Variants in NOL4 observed in about 807,000 individuals in gnomAD.
The protein encoded by NOL4 is cancer/testis antigen 125.
A neutral mutation model predicts 75.9 loss-of-function variants in NOL4; 17 were observed. The ratio of observed to expected loss-of-function variants is 0.22; its 90% CI spans 0.15 to 0.34. The LOEUF is 0.34. Ranked by LOEUF, NOL4 falls within the 10% of genes least tolerant of loss-of-function variation. The pLI is 1.00. For synonymous variants in NOL4, 292 were observed against 289.9 expected, an observed-to-expected ratio of 1.01 and a Z score of -0.07; for missense variants, 614 against 793.5, an observed-to-expected ratio of 0.77 and a Z score of 2.72.
intron 1 of NOL4, among the ~76,000 whole-genome samples, chr18:34,132,121 G>A (rs2080680166): frequency 6.6e-6 from 1 of 152,160 alleles, no homozygotes; most frequent in African/African-American, 2.4e-5. Flanking sequence ...ACAGCTTGAG[G>A]CTGCATTATA....
intron 6 of NOL4, among the ~76,000 whole-genome samples, chr18:34,013,834 A>T (rs1239825298): frequency 6.6e-6 from 1 of 151,890 alleles, no homozygotes; most frequent in Non-Finnish European, 1.5e-5. Context: ...TCCGTCTAGC[A>T]CTCAGGAGAG....
rs1285729087 is a variant in NOL4 at position 34,222,354 on chromosome 18, G to A, written c.264+636C>T. 2.4e-6 allele frequency: 3 copies of A among 1,251,418 alleles called. No homozygotes were observed. The African/African-American group carries it at 4.7e-5, about 20-fold the overall frequency. The allele number at this position is 1,251,418 out of a possible 1,614,324, so 77.5% of individuals were successfully genotyped here. Reference sequence around the variant, plus strand: ...AGTGAGGAAGGGAATGGGGGGGCGGGGAGGAGGAATCTCCAGGACCTTATC... The same window carrying A: ...AGTGAGGAAGGGAATGGGGGGGCGGAGAGGAGGAATCTCCAGGACCTTATC... On this transcript the variant is annotated intron_variant, in intron 1 of 10. Transcript: ENST00000261592.
intron 4 of NOL4, among the ~76,000 whole-genome samples, chr18:34,102,637 A>G (rs2079091529): frequency 6.6e-6 from 1 of 152,060 alleles, no homozygotes; most frequent in African/African-American, 2.4e-5. Context: ...AGGGATCAGC[A>G]TATGTGGGCG....
chr18:34,013,098 C>T (rs2074468264), intron 6 of NOL4, among the ~76,000 whole-genome samples: 1 of 151,932 alleles, frequency 6.6e-6, no homozygotes, highest in Non-Finnish European at 1.5e-5. Context: ...GCTCTTCTTA[C>T]ATTGGGTTGC....
At chr18:34,137,810 G>T (rs370639684) in intron 1 of NOL4, among the ~76,000 whole-genome samples, 1 of 72,218 alleles carries the variant, frequency 1.4e-5, no homozygotes, top group African/African-American at 4.8e-5. Context: ...ACACACACAC[G>T]CACGCACACA....
chr18:34,099,164 A>T (rs1334559910), intron 4 of NOL4, among the ~76,000 whole-genome samples: 2 of 151,542 alleles, frequency 1.3e-5, no homozygotes, highest in African/African-American at 4.9e-5. Flanking sequence ...GGAGTTTGAG[A>T]CCAGCCTGGC....
chr18:34,135,218 A>G (rs1193975299), intron 1 of NOL4, among the ~76,000 whole-genome samples: 1 of 152,164 alleles, frequency 6.6e-6, no homozygotes, highest in Non-Finnish European at 1.5e-5. Flanking sequence ...AATTAGGAAT[A>G]AAAGAAGGAT....
At chr18:34,091,285 C>T (rs1258372394) in intron 5 of NOL4, among the ~76,000 whole-genome samples, 1 of 151,996 alleles carries the variant, frequency 6.6e-6, no homozygotes, top group East Asian at 1.9e-4. Context: ...ATTGCTTGAA[C>T]CCGGGAGGCA....
intron 10 of NOL4, among the ~76,000 whole-genome samples, chr18:33,880,305 C>CTG (rs61306180): frequency 0.059 from 8,571 of 144,378 alleles, 522 homozygotes; most frequent in African/African-American, 0.16. Context: ...CAAAAGGGGT[C>CTG]TGTGTGTGTG....
intron 4 of NOL4, among the ~76,000 whole-genome samples, chr18:34,099,706 T>C (rs533221000): frequency 6.6e-6 from 1 of 152,206 alleles, no homozygotes; most frequent in South Asian, 2.1e-4. Context: ...TGCATTGACC[T>C]CCCCTGCTCT....
At chr18:33,906,380 A>T (rs988595768) in intron 9 of NOL4, among the ~76,000 whole-genome samples, 2 of 152,170 alleles carry the variant, frequency 1.3e-5, no homozygotes, top group Non-Finnish European at 2.9e-5. Flanking sequence ...GATGGTTAAG[A>T]CATTAGTCCA....
Position 33,880,261 on chromosome 18 carries a change from T to A in NOL4, c.1723+2983A>T, listed in dbSNP as rs377269875. On this transcript the variant is annotated intron_variant, in intron 10 of 10. Coordinates refer to ENST00000261592, the MANE Select transcript of NOL4 (RefSeq NM_003787.5). ...AGAGTTAGCTAATACATTTTCCAGT[T>A]ATCTTTTTACTTTTTTATGGTGTTT... Among the ~76,000 whole-genome samples, 304 of 151,942 alleles carry A rather than the reference T, an allele frequency of 2.0e-3. 10 individuals carry two copies. In the South Asian group the frequency reaches 0.062, roughly 31 times the overall value.
chr18:34,084,635 T>C (rs1057038532), intron 5 of NOL4, among the ~76,000 whole-genome samples: 2 of 152,174 alleles, frequency 1.3e-5, no homozygotes, highest in Non-Finnish European at 2.9e-5. Context: ...CCCAGTCAAG[T>C]GGAGAAATGA....
intron 1 of NOL4, among the ~76,000 whole-genome samples, chr18:34,153,412 T>C (rs2081742073): frequency 6.6e-6 from 1 of 151,992 alleles, no homozygotes; most frequent in Non-Finnish European, 1.5e-5. Flanking sequence ...AAATAATATT[T>C]GTTGAGTGCT....
At chr18:34,093,418 AT>A (rs761066713) in intron 5 of NOL4, 46 bp downstream of exon 5, 11 of 1,513,030 alleles carry the variant, frequency 7.3e-6, no homozygotes, top group East Asian at 2.4e-5. Context: ...ATTCTGACTC[AT>A]TTTTTTGCTG....
chr18:33,961,171 ATGTG>A (rs2145771177), intron 6 of NOL4, among the ~76,000 whole-genome samples: 1 of 152,240 alleles, frequency 6.6e-6, no homozygotes, highest in Non-Finnish European at 1.5e-5. Context: ...AGTTAGTTTT[ATGTG>A]TCAACTTGAC....
chr18:34,002,042 T>A (rs1408550723), intron 6 of NOL4, among the ~76,000 whole-genome samples: 3 of 152,084 alleles, frequency 2.0e-5, no homozygotes, highest in East Asian at 1.9e-4. Flanking sequence ...CAGGTCCCCA[T>A]GCCAGAAACA....
At chr18:34,033,749 A>G (rs943253465) in intron 5 of NOL4, among the ~76,000 whole-genome samples, 2 of 152,188 alleles carry the variant, frequency 1.3e-5, no homozygotes, top group African/African-American at 4.8e-5. Context: ...CATTATAGTC[A>G]AACCAGCTTA....
At chr18:33,880,001 T>A (rs2144629853) in intron 10 of NOL4, among the ~76,000 whole-genome samples, 1 of 152,184 alleles carries the variant, frequency 6.6e-6, no homozygotes, top group South Asian at 2.1e-4. Context: ...TTAACCACAG[T>A]CTTGTTAAAA....
Sources: gnomAD v4.1 joint callset for allele counts (sites outside exome capture counted in the v4.1 genomes callset) on GRCh38, gnomAD v4.1.1 for gene constraint, MANE v1.5 for transcripts, NCBI Gene and HGNC (gene_info 2026-07-23, HGNC 2026-07-21) for gene names.